TTC22: variants seen among roughly 807,000 people sequenced by gnomAD.
TTC22 encodes tetratricopeptide repeat protein 22.
TTC22 carries 42 observed loss-of-function variants against 48.2 expected under a neutral mutation model. The observed-to-expected ratio is 0.87, with a 90% CI of 0.68 to 1.13. TTC22 has a LOEUF of 1.13. Ranked by LOEUF, TTC22 falls within the 50% of genes most tolerant of loss-of-function variation. The probability of loss-of-function intolerance (pLI) is 0.00; values close to 1 mark genes in which losing one functional copy is unlikely to be tolerated. For missense variants in TTC22, 784 were observed against 807.0 expected, an observed-to-expected ratio of 0.97 and a Z score of 0.34; for synonymous variants, 345 against 365.5, an observed-to-expected ratio of 0.94 and a Z score of 0.64.
chr1:54,791,368 G>C (rs3766416), intron 1 of TTC22, among the ~76,000 whole-genome samples: 2,521 of 152,282 alleles, frequency 0.017, 89 homozygotes, highest in East Asian at 0.14. Context: ...GGCAGGCCTG[G>C]CCATATGAGA....
intron 1 of TTC22, among the ~76,000 whole-genome samples, chr1:54,797,309 A>T (rs1646399658): frequency 6.6e-6 from 1 of 152,098 alleles, no homozygotes; most frequent in South Asian, 2.1e-4. Context: ...TAGAGGGTTG[A>T]TGGGAGGAGG....
At position 54,781,398 on chromosome 1, in the gene TTC22, G is replaced by A. The variant is rs1311515463; in HGVS notation, c.1555C>T (p.Arg519Cys). ...PAARLRQELQ[R>C]VWRGHTDEVL... ...TCGTCCGTGTGCCCGCGCCACACGC[G>A]CTGCAGCTCCTGGCGCAGGCGCGCC... Residue 519 changes from arginine to cysteine, a missense_variant, in exon 7 of 7, where the codon CGC becomes TGC. Coordinates refer to ENST00000371276, the MANE Select transcript of TTC22 (RefSeq NM_001114108.2). The A allele has an allele frequency of 6.5e-6, 9 of 1,386,556 alleles. No homozygotes were observed. Among genetic ancestry groups the A allele is most frequent in the Non-Finnish European group, 3.7e-6 (4 of 1,080,956 alleles). The allele number at this position is 1,386,556 out of a possible 1,614,324, so 85.9% of individuals were successfully genotyped here.
intron 1 of TTC22, among the ~76,000 whole-genome samples, chr1:54,792,495 C>T (rs1351196475): frequency 6.6e-6 from 1 of 151,846 alleles, no homozygotes; most frequent in African/African-American, 2.4e-5. Context: ...AGTGCAATGG[C>T]GCGATCTTGG....
At position 54,781,375 on chromosome 1, in the gene TTC22, G is replaced by A. The variant is rs1410599384; in HGVS notation, c.1578C>T (p.Asp526=). 4 of 1,388,772 alleles carry A rather than the reference G, an allele frequency of 2.9e-6. No homozygotes were observed. The highest frequency in any genetic ancestry group is 3.2e-5 in the South Asian group (2 of 62,790). The allele number at this position is 1,388,772 out of a possible 1,614,324, so 86.0% of individuals were successfully genotyped here. A position where few individuals can be genotyped will look rare whatever the true frequency, so the allele number is the denominator to read the frequency against. Residue 526 remains aspartate, a synonymous_variant, in exon 7 of 7, where the codon GAC becomes GAT. Transcript: ENST00000371276. ...ELQRVWRGHT[D]EVLGLARALV... is the part of the protein sequence containing the mutation. ...GGGCCCGGGCCAGCCCCAACACCTC[G>A]TCCGTGTGCCCGCGCCACACGCGCT...
At chr1:54,786,421 C>G in intron 4 of TTC22, 1 of 382,218 alleles carries the variant, frequency 2.6e-6, no homozygotes, top group South Asian at 3.2e-5. Context: ...CCAGTCAGAC[C>G]CCTCCTTCCC....
chr1:54,779,999 A>C lies in TTC22; in HGVS notation c.*1244T>G, dbSNP rs1646250113. ...AGCAAAGCAGTGAGTACAGCCTGGA[A>C]TTCCAGCTACTCAGGAGGCTGAGGT... On this transcript the variant is annotated 3_prime_UTR_variant, in exon 7 of 7. Coordinates refer to ENST00000371276, the MANE Select transcript of TTC22 (RefSeq NM_001114108.2). 1 of 152,238 alleles carries C rather than the reference A, an allele frequency of 6.6e-6. No individual in the cohort carries two copies. Among genetic ancestry groups the C allele is most frequent in the Non-Finnish European group, 1.5e-5 (1 of 68,094 alleles). 9.4% of individuals were successfully genotyped at this position (152,238 alleles called of 1,614,324 possible). A position where few individuals can be genotyped will look rare whatever the true frequency, so the allele number is the denominator to read the frequency against.
intron 5 of TTC22, chr1:54,784,775 T>C: frequency 7.7e-7 from 1 of 1,297,200 alleles, no homozygotes; most frequent in Non-Finnish European, 1.0e-6. Context: ...GGGAGGACTC[T>C]TCGGCTTGCA....
intron 1 of TTC22, among the ~76,000 whole-genome samples, chr1:54,790,761 G>GGCTGCT (rs3065099): frequency 2.4e-4 from 36 of 151,500 alleles, no homozygotes; most frequent in Admixed American, 2.0e-3. Context: ...CAGGCTTCCT[G>GGCTGCT]GCTGCTGCTG....
intron 1 of TTC22, among the ~76,000 whole-genome samples, chr1:54,791,185 C>T (rs1033467481): frequency 1.3e-5 from 2 of 152,194 alleles, no homozygotes; most frequent in Non-Finnish European, 2.9e-5. Flanking sequence ...TGTGAGCAAT[C>T]CCATGACCTC....
intron 4 of TTC22, chr1:54,786,731 T>A (rs999555695): frequency 2.5e-5 from 10 of 404,908 alleles, no homozygotes; most frequent in African/African-American, 2.1e-4. Flanking sequence ...AGTCTAAGGG[T>A]CTATTTCAAG....
intron 1 of TTC22, among the ~76,000 whole-genome samples, chr1:54,794,039 G>A (rs969932822): frequency 4.6e-5 from 7 of 152,194 alleles, no homozygotes; most frequent in Non-Finnish European, 8.8e-5. Flanking sequence ...CTAAAACTCT[G>A]GGGTGGGAGC....
rs1482956542 is a variant in TTC22 at position 54,781,279 on chromosome 1, G to GGCGCCC, written c.1668_1673dup (p.Gly557_Ala558dup). On this transcript the variant is annotated inframe_insertion, in exon 7 of 7. Transcript: ENST00000371276. ...CAGCCCGGCGGTCCCGCGGCGCGCTGGCGCCCTCGCCCTCGCGCTCCATGG... is the reference window on the plus strand; with the variant it reads ...CAGCCCGGCGGTCCCGCGGCGCGCTGGCGCCCGCGCCCTCGCCCTCGCGCTCCATGG... The GGCGCCC allele has an allele frequency of 1.4e-6, 2 of 1,478,090 alleles. No homozygotes were observed. The highest frequency in any genetic ancestry group is 2.4e-5 in the Admixed American group (1 of 41,362). 91.6% of individuals were successfully genotyped at this position (1,478,090 alleles called of 1,614,324 possible).
Position 54,781,046 on chromosome 1 carries a change from A to C in TTC22, c.*197T>G. The C allele has an allele frequency of 2.4e-6, 1 of 409,136 alleles. No individual in the cohort carries two copies. 25.3% of individuals were successfully genotyped at this position (409,136 alleles called of 1,614,324 possible). On this transcript the variant is annotated 3_prime_UTR_variant, in exon 7 of 7. Transcript: ENST00000371276. Reference sequence around the variant, plus strand: ...CTCCCAGCCTCTTCTGCTCTCGGGAATCAGGCCTTCCAGTCTGGGTGGGCG... The same window carrying C: ...CTCCCAGCCTCTTCTGCTCTCGGGACTCAGGCCTTCCAGTCTGGGTGGGCG...
chr1:54,781,324 C>A lies in TTC22; in HGVS notation c.1629G>T (p.Leu543=), dbSNP rs1472709578. 1 of 1,429,126 alleles carries A rather than the reference C, an allele frequency of 7.0e-7. No homozygotes were observed. The allele number at this position is 1,429,126 out of a possible 1,614,324, so 88.5% of individuals were successfully genotyped here. Residue 543 remains leucine, a synonymous_variant, in exon 7 of 7, where the codon CTG becomes CTT. Transcript: ENST00000371276. The stretch of plus-strand genomic sequence containing the variant: ...CCATGGTCTCGAAGAGCAGCCGCAC[C>A]AGCGCCGGCCGTCCCTGGGCCACCA... ...RALVAQGRPA[L]VRLLFETMER...
chr1:54,782,598 GA>G, intron 5 of TTC22, 121 bp from the exon 6 acceptor site: 1 of 1,106,862 alleles, frequency 9.0e-7, no homozygotes, highest in Non-Finnish European at 1.3e-6. Context: ...TGTTGCAGTA[GA>G]AAGACCCTGA....
intron 1 of TTC22, among the ~76,000 whole-genome samples, chr1:54,799,828 CTG>C (rs1646419367): frequency 6.6e-6 from 1 of 152,226 alleles, no homozygotes; most frequent in African/African-American, 2.4e-5. Context: ...CAAATATTAA[CTG>C]TTAATTATGA....
intron 1 of TTC22, among the ~76,000 whole-genome samples, chr1:54,788,916 C>T (rs1473725137): frequency 6.6e-6 from 1 of 152,206 alleles, no homozygotes; most frequent in Non-Finnish European, 1.5e-5. Context: ...GGGACCTGCA[C>T]CCTGACCCAA....
intron 1 of TTC22, chr1:54,792,901 C>T (rs192270639): frequency 2.0e-5 from 3 of 152,308 alleles, no homozygotes; most frequent in South Asian, 4.1e-4. Flanking sequence ...TATTCCCCCT[C>T]TATCCTGGAG....
chr1:54,789,407 T>C (rs1570112710), intron 1 of TTC22, among the ~76,000 whole-genome samples: 1 of 152,160 alleles, frequency 6.6e-6, no homozygotes, highest in African/African-American at 2.4e-5. Flanking sequence ...CTGATGGGTG[T>C]GCAGCACACA....
Sources: allele counts gnomAD v4.1 joint callset (sites outside exome capture counted in the v4.1 genomes callset), GRCh38; gene constraint gnomAD v4.1.1; transcripts MANE v1.5; gene names NCBI Gene and HGNC (gene_info 2026-07-23, HGNC 2026-07-21).